The following KAZN variants were observed in gnomAD, a reference collection of about 807,000 sequenced individuals.
The protein encoded by KAZN is kazrin.
In KAZN, 40 loss-of-function variants were observed where a neutral mutation model predicts 87.4. The ratio of observed to expected loss-of-function variants is 0.46; its 90% CI spans 0.36 to 0.60. KAZN has a LOEUF of 0.60. Among genes scored for constraint, KAZN ranks in the 20% least tolerant of loss-of-function variants. The pLI, the probability that KAZN is intolerant of heterozygous loss-of-function variation, is 0.00. For missense variants in KAZN, 898 were observed against 1,073.9 expected, an observed-to-expected ratio of 0.84 and a Z score of 2.29; for synonymous variants, 466 against 458.3, an observed-to-expected ratio of 1.02 and a Z score of -0.22.
At chr1:14,617,185 A>T (rs1678316345) in intron 1 of KAZN, among the ~76,000 whole-genome samples, 1 of 152,204 alleles carries the variant, frequency 6.6e-6, no homozygotes, top group Admixed American at 6.5e-5. Flanking sequence ...CGGCTGTTCT[A>T]TGATACAGGC....
chr1:15,026,958 C>A (rs1165142951), intron 2 of KAZN, among the ~76,000 whole-genome samples: 3 of 151,360 alleles, frequency 2.0e-5, no homozygotes, highest in Non-Finnish European at 2.9e-5. Context: ...TTTGGGGGAG[C>A]TCCTGGAACC....
chr1:14,709,620 TCTTC>T, intron 1 of KAZN, among the ~76,000 whole-genome samples: 1 of 152,304 alleles, frequency 6.6e-6, no homozygotes, highest in East Asian at 1.9e-4. Flanking sequence ...CCAGGGCTGG[TCTTC>T]CTTCAGCAAG....
chr1:14,761,327 A>G (rs1257118896), intron 1 of KAZN, among the ~76,000 whole-genome samples: 2 of 152,164 alleles, frequency 1.3e-5, no homozygotes, highest in African/African-American at 4.8e-5. Flanking sequence ...CTGCAGATCT[A>G]CTATGTCTCC....
chr1:14,213,358 G>T (rs1646894760), intron 2 of KAZN, among the ~76,000 whole-genome samples: 1 of 152,098 alleles, frequency 6.6e-6, no homozygotes, highest in Non-Finnish European at 1.5e-5. Flanking sequence ...CTAGAACCAA[G>T]AAATATGATG....
intron 2 of KAZN, among the ~76,000 whole-genome samples, chr1:14,491,378 G>A (rs948153360): frequency 2.6e-5 from 4 of 152,206 alleles, no homozygotes; most frequent in Admixed American, 1.3e-4. Flanking sequence ...AGGTATAGAC[G>A]TGCCATGGTG....
chr1:14,561,334 A>G (rs192938031), intron 2 of KAZN, among the ~76,000 whole-genome samples: 77 of 152,330 alleles, frequency 5.1e-4, no homozygotes, highest in Non-Finnish European at 8.2e-4. Context: ...AAGAGATGGA[A>G]GGGACAGAAA....
chr1:15,057,725 C>A (rs1215083216), intron 5 of KAZN, among the ~76,000 whole-genome samples: 2 of 152,212 alleles, frequency 1.3e-5, no homozygotes, highest in African/African-American at 4.8e-5. Context: ...GAGAGGGCCA[C>A]CACTTGTTCA....
At chr1:13,942,227 A>T (rs1640954715) in intron 1 of KAZN, among the ~76,000 whole-genome samples, 1 of 152,014 alleles carries the variant, frequency 6.6e-6, no homozygotes, top group African/African-American at 2.4e-5. Context: ...AAGCAGAACA[A>T]ATTTTTTTTC....
chr1:13,899,221 T>C (rs1639155097), intron 1 of KAZN, among the ~76,000 whole-genome samples: 1 of 152,246 alleles, frequency 6.6e-6, no homozygotes, highest in Non-Finnish European at 1.5e-5. Context: ...TGGGTACTTA[T>C]TCTGGGATGG....
chr1:15,100,621 C>T (rs532075), intron 10 of KAZN, among the ~76,000 whole-genome samples: 43,790 of 152,138 alleles, frequency 0.29, 6,903 homozygotes, highest in East Asian at 0.53. Context: ...CAAGCACTTG[C>T]GCACCTGCTG....
chr1:13,968,655 C>T (rs1467700991), intron 1 of KAZN, among the ~76,000 whole-genome samples: 1 of 152,222 alleles, frequency 6.6e-6, no homozygotes. Context: ...GATCCTTTCA[C>T]GTGACCTTTC....
intron 2 of KAZN, among the ~76,000 whole-genome samples, chr1:14,368,536 C>G (rs1660202075): frequency 6.6e-6 from 1 of 152,152 alleles, no homozygotes; most frequent in Non-Finnish European, 1.5e-5. Flanking sequence ...CTGCTAACAA[C>G]CCATGGGACC....
chr1:14,762,968 GT>G (rs1309061258), intron 1 of KAZN, among the ~76,000 whole-genome samples: 1 of 152,136 alleles, frequency 6.6e-6, no homozygotes, highest in Non-Finnish European at 1.5e-5. Flanking sequence ...CACTCATCCG[GT>G]GACATTTCTG....
intron 2 of KAZN, among the ~76,000 whole-genome samples, chr1:14,371,755 A>C (rs530807548): frequency 6.6e-6 from 1 of 152,264 alleles, no homozygotes; most frequent in Non-Finnish European, 1.5e-5. Context: ...CATTCTAGAG[A>C]CACGGATCTT....
At chr1:14,651,357 C>T (rs1186041975) in intron 1 of KAZN, among the ~76,000 whole-genome samples, 2 of 152,156 alleles carry the variant, frequency 1.3e-5, no homozygotes, top group Non-Finnish European at 2.9e-5. Flanking sequence ...CTGTGAGTTT[C>T]TTGTCAGTTT....
chr1:14,455,055 C>CAG (rs147733315), intron 2 of KAZN, among the ~76,000 whole-genome samples: 1 of 45,892 alleles, frequency 2.2e-5, no homozygotes, highest in Non-Finnish European at 5.9e-5. Flanking sequence ...TGAGCTTCCC[C>CAG]AGAGAAAGAG....
chr1:14,504,232 A>G (rs1670429169), intron 2 of KAZN, among the ~76,000 whole-genome samples: 2 of 152,194 alleles, frequency 1.3e-5, no homozygotes, highest in African/African-American at 4.8e-5. Flanking sequence ...GTAGTGTAGA[A>G]GGAAGACTCA....
chr1:14,917,949 G>T (rs2101456631), intron 1 of KAZN, among the ~76,000 whole-genome samples: 1 of 152,010 alleles, frequency 6.6e-6, no homozygotes, highest in South Asian at 2.1e-4. Flanking sequence ...CGCGATCTCA[G>T]CTCACCGCAA....
intron 2 of KAZN, among the ~76,000 whole-genome samples, chr1:14,422,157 GT>G (rs1392099483): frequency 6.6e-6 from 1 of 152,208 alleles, no homozygotes; most frequent in Non-Finnish European, 1.5e-5. Context: ...TTTTACCTTT[GT>G]TATTTTAAAC....
Sources: gnomAD v4.1 joint callset for allele counts (sites outside exome capture counted in the v4.1 genomes callset) on GRCh38, gnomAD v4.1.1 for gene constraint, MANE v1.5 for transcripts, NCBI Gene and HGNC (gene_info 2026-07-23, HGNC 2026-07-21) for gene names.